Variants in WWC2 observed in about 807,000 individuals in gnomAD.
The protein encoded by WWC2 is WW and C2 domain containing 2.
A neutral mutation model predicts 138.5 loss-of-function variants in WWC2; 101 were observed. The observed-to-expected ratio is 0.73, with a 90% CI of 0.62 to 0.86. The LOEUF is 0.86. Among genes scored for constraint, WWC2 ranks in the 40% least tolerant of loss-of-function variants. The probability of loss-of-function intolerance (pLI) is 0.00; values close to 1 mark genes in which losing one functional copy is unlikely to be tolerated. For synonymous variants in WWC2, 558 were observed against 538.4 expected (o/e 1.04, Z -0.50); for missense variants, 1,420 against 1,419.4 (o/e 1.00, Z -0.01).
intron 3 of WWC2, among the ~76,000 whole-genome samples, 178 bp from the exon 4 acceptor site, chr4:183,208,771 T>C (rs1431697214): frequency 6.6e-6 from 1 of 152,096 alleles, no homozygotes; most frequent in Non-Finnish European, 1.5e-5. Context: ...TTAAAAAAAA[T>C]GGTAGAGGTT....
intron 5 of WWC2, among the ~76,000 whole-genome samples, chr4:183,243,488 A>G (rs1273283845): frequency 1.3e-5 from 2 of 152,190 alleles, no homozygotes; most frequent in East Asian, 1.9e-4. Context: ...CAGAAATTCC[A>G]TTGATAAATC....
At chr4:183,141,719 A>G (rs1442587265) in intron 1 of WWC2, among the ~76,000 whole-genome samples, 1 of 152,236 alleles carries the variant, frequency 6.6e-6, no homozygotes, top group Non-Finnish European at 1.5e-5. Context: ...GTCTTTCTGT[A>G]TACTGAGAGG....
At chr4:183,161,929 A>G (rs563805445) in intron 1 of WWC2, among the ~76,000 whole-genome samples, 2 of 152,328 alleles carry the variant, frequency 1.3e-5, no homozygotes, top group African/African-American at 4.8e-5. Flanking sequence ...GACTTCAGAT[A>G]TGTACTCATA....
chr4:183,099,714 C>T lies in WWC2; in HGVS notation c.131+92C>T, dbSNP rs968279866. On this transcript the variant is annotated intron_variant, in intron 1 of 22. Transcript: ENST00000403733. ...GCGCGGGGGGCTGGGGCGGCGCCGG[C>T]CCGCGGTGCCCCGAGGGGTCCCGGG... 10 of 1,126,028 alleles carry T rather than the reference C, an allele frequency of 8.9e-6. No homozygotes were observed. The South Asian group carries it at 3.0e-4, about 34-fold the overall frequency. 69.8% of individuals were successfully genotyped at this position (1,126,028 alleles called of 1,614,324 possible).
At position 183,320,399 on chromosome 4, in the gene WWC2, A is replaced by G. The variant is rs1739605249; in HGVS notation, c.*4670A>G. The G allele has an allele frequency of 3.0e-6, 2 of 658,928 alleles. No individual in the cohort carries two copies. Among genetic ancestry groups the G allele is most frequent in the Admixed American group, 3.1e-5 (1 of 31,888 alleles). 40.8% of individuals were successfully genotyped at this position (658,928 alleles called of 1,614,324 possible). A position where few individuals can be genotyped will look rare whatever the true frequency, so the allele number is the denominator to read the frequency against. On this transcript the variant is annotated 3_prime_UTR_variant, in exon 23 of 23. Coordinates refer to ENST00000403733, the MANE Select transcript of WWC2 (RefSeq NM_024949.6). ...TGTTGAATGGGTTTCACAAAAGGATAGGGAAATAATGCCGCCAACCAGTAA... is the reference window on the plus strand; with the variant it reads ...TGTTGAATGGGTTTCACAAAAGGATGGGGAAATAATGCCGCCAACCAGTAA...
At chr4:183,170,177 C>T (rs1229524054) in intron 1 of WWC2, among the ~76,000 whole-genome samples, 3 of 152,152 alleles carry the variant, frequency 2.0e-5, no homozygotes, top group Admixed American at 6.5e-5. Context: ...GTTATTGTGC[C>T]GTTGGCCAGA....
rs562056090 is a variant in WWC2, at chr4:183,118,883, A to G, written c.131+19261A>G. 7.9e-5 allele frequency among the ~76,000 whole-genome samples: 12 copies of G among 152,134 alleles called. No homozygotes were observed. The East Asian group carries it at 1.7e-3, about 22-fold the overall frequency. On this transcript the variant is annotated intron_variant, in intron 1 of 22. Transcript: ENST00000403733. ...AAAGAAGCTGTGTGTAGTGGTTTGC[A>G]TAGAAGGGTCATGATTTATCTGAAA...
chr4:183,153,762 C>T (rs1733713553), intron 1 of WWC2, among the ~76,000 whole-genome samples: 1 of 150,962 alleles, frequency 6.6e-6, no homozygotes, highest in Non-Finnish European at 1.5e-5. Context: ...CTTCCGACCT[C>T]AGGCTCCTGA....
chr4:183,133,188 G>A lies in WWC2; in HGVS notation c.131+33566G>A, dbSNP rs559356561. On this transcript the variant is annotated intron_variant, in intron 1 of 22. Transcript: ENST00000403733. Reference sequence around the variant, plus strand: ...TTTTTTGACCAGGTCTTGCTCTGTTGCCCAGGCTGGAGCTAGAGCACAGTG... The same window carrying A: ...TTTTTTGACCAGGTCTTGCTCTGTTACCCAGGCTGGAGCTAGAGCACAGTG... Among the ~76,000 whole-genome samples, 8 of 90,332 alleles carry A rather than the reference G, an allele frequency of 8.9e-5. No homozygotes were observed. The Admixed American group carries it at 1.4e-3, about 16-fold the overall frequency. 59.3% of individuals were successfully genotyped at this position (90,332 alleles called of 152,430 possible). A position where few individuals can be genotyped will look rare whatever the true frequency, so the allele number is the denominator to read the frequency against.
At chr4:183,172,503 G>A (rs1734318183) in intron 1 of WWC2, among the ~76,000 whole-genome samples, 1 of 149,200 alleles carries the variant, frequency 6.7e-6, no homozygotes, top group Non-Finnish European at 1.5e-5. Context: ...CTGCTTTACT[G>A]ACTTGTATAT....
At position 183,320,149 on chromosome 4, in the gene WWC2, A is replaced by C; in HGVS notation, c.*4420A>C. ...TGTGGCAGGTAGTTTGTAAGACAGG[A>C]TAAAACCCATCCCAGCAAAGATAAT... On this transcript the variant is annotated 3_prime_UTR_variant, in exon 23 of 23. Transcript: ENST00000403733. 6.2e-7 allele frequency: 1 copy of C among 1,614,150 alleles called. No individual in the cohort carries two copies.
In WWC2 at chr4:183,289,435, C is replaced by G. The variant is rs746306994; in HGVS notation, c.3184C>G (p.Pro1062Ala). ...SVLRRTTQEC[P>A]VRTSLDLELD... The stretch of plus-strand genomic sequence containing the variant: ...CCTTAGAAGAACAACACAGGAATGC[C>G]CAGTGCGGACATCTCTAGACTTAGA... The change falls in exon 21 of 23, where the codon CCA (proline) becomes GCA (alanine). Residue 1062 changes from proline (P) to alanine (A), a missense_variant. Pro to Ala is a conservative substitution (Grantham distance 27). Coordinates refer to ENST00000403733, the MANE Select transcript of WWC2 (RefSeq NM_024949.6). 3.1e-6 allele frequency: 5 copies of G among 1,612,220 alleles called. No individual in the cohort carries two copies. The highest frequency in any genetic ancestry group is 4.2e-6 in the Non-Finnish European group (5 of 1,179,168).
intron 1 of WWC2, among the ~76,000 whole-genome samples, chr4:183,120,671 T>C (rs898950857): frequency 5.3e-5 from 8 of 152,226 alleles, no homozygotes; most frequent in African/African-American, 2.4e-5. Context: ...AAATTTCTGT[T>C]AATATTTAAT....
At chr4:183,179,069 CTTACTA>C (rs1260227272) in intron 1 of WWC2, among the ~76,000 whole-genome samples, 2 of 152,144 alleles carry the variant, frequency 1.3e-5, no homozygotes, top group African/African-American at 4.8e-5. Flanking sequence ...TTTAAAAAAA[CTTACTA>C]TTAAAAACGA....
intron 1 of WWC2, among the ~76,000 whole-genome samples, chr4:183,179,555 A>G (rs4479747): frequency 0.98 from 149,407 of 152,080 alleles, 73,441 homozygotes; most frequent in Middle Eastern, 1. Flanking sequence ...GGGTGAGCCT[A>G]CAGGATGTTG....
rs200689182 is a variant in WWC2 at position 183,320,081 on chromosome 4, C to G, written c.*4352C>G. Reference sequence around the variant, plus strand: ...CACAGGTTTGCCAGAGTCCCATGGTCCAGTTTTCCATTTCATTTAAGTCCA... The same window carrying G: ...CACAGGTTTGCCAGAGTCCCATGGTGCAGTTTTCCATTTCATTTAAGTCCA... On this transcript the variant is annotated 3_prime_UTR_variant, in exon 23 of 23. Coordinates refer to ENST00000403733, the MANE Select transcript of WWC2 (RefSeq NM_024949.6). The G allele has an allele frequency of 8.0e-5, 129 of 1,614,158 alleles. No individual in the cohort carries two copies. In the African/African-American group the frequency reaches 1.6e-3, roughly 20 times the overall value.
At chr4:183,147,262 T>C (rs1733488736) in intron 1 of WWC2, among the ~76,000 whole-genome samples, 1 of 152,228 alleles carries the variant, frequency 6.6e-6, no homozygotes, top group Non-Finnish European at 1.5e-5. Flanking sequence ...CTCACAGACA[T>C]AAAAGTCATA....
intron 16 of WWC2, among the ~76,000 whole-genome samples, chr4:183,273,976 T>A (rs1029391109): frequency 1.3e-5 from 2 of 152,174 alleles, no homozygotes; most frequent in Non-Finnish European, 2.9e-5. Context: ...CAGCACCATT[T>A]ATTGCAAAAA....
chr4:183,104,439 A>T (rs1453754415), intron 1 of WWC2, among the ~76,000 whole-genome samples: 2 of 152,216 alleles, frequency 1.3e-5, no homozygotes, highest in East Asian at 3.8e-4. Flanking sequence ...GTTATATTTA[A>T]AATAATAAGA....
Sources: allele counts gnomAD v4.1 joint callset (sites outside exome capture counted in the v4.1 genomes callset), GRCh38; gene constraint gnomAD v4.1.1; transcripts MANE v1.5; gene names NCBI Gene and HGNC (gene_info 2026-07-23, HGNC 2026-07-21).